Variants in CTBS observed in about 807,000 individuals in gnomAD.
The protein encoded by CTBS is chitobiase.
CTBS carries 35 observed loss-of-function variants against 44.3 expected under a neutral mutation model. The observed-to-expected ratio is 0.79, with a 90% CI of 0.60 to 1.05. The LOEUF is 1.05. Among genes scored for constraint, CTBS ranks in the 50% least tolerant of loss-of-function variants. The probability of loss-of-function intolerance (pLI) is 0.00; values close to 1 mark genes in which losing one functional copy is unlikely to be tolerated. For synonymous variants in CTBS, 143 were observed against 168.0 expected, an observed-to-expected ratio of 0.85 and a Z score of 1.15; for missense variants, 458 against 475.3, an observed-to-expected ratio of 0.96 and a Z score of 0.34.
At chr1:84,572,583 CTT>C (rs1423498569) in intron 1 of CTBS, among the ~76,000 whole-genome samples, 1 of 151,856 alleles carries the variant, frequency 6.6e-6, no homozygotes, top group African/African-American at 2.4e-5. Flanking sequence ...AATTTTGCTT[CTT>C]TGAATAGTTG....
At position 84,552,186 on chromosome 1, in the gene CTBS, G is replaced by A. The variant is rs1465942214; in HGVS notation, c.*2813C>T. 6.6e-6 allele frequency: 1 copy of A among 152,026 alleles called. No individual in the cohort carries two copies. Among genetic ancestry groups the A allele is most frequent in the Non-Finnish European group, 1.5e-5 (1 of 67,978 alleles). 9.4% of individuals were successfully genotyped at this position (152,026 alleles called of 1,614,324 possible). ...CACTACCTATAAGATTCAGAACTAA[G>A]GGACAAAAAAAACCCAGCCTGAGTC... is the stretch of plus-strand genomic sequence containing the variant. On this transcript the variant is annotated 3_prime_UTR_variant, in exon 7 of 7. Transcript: ENST00000370630.
chr1:84,570,850 T>A (rs188381724), intron 1 of CTBS, 130 bp from the exon 2 acceptor site: 16 of 786,518 alleles, frequency 2.0e-5, no homozygotes, highest in Non-Finnish European at 2.9e-5. Flanking sequence ...GCATAAGACA[T>A]AGGGGTCCCA....
chr1:84,553,088 G>GAA lies in CTBS; in HGVS notation c.*1909_*1910dup. The GAA allele has an allele frequency of 1.1e-5, 16 of 1,397,304 alleles. No individual in the cohort carries two copies. The highest frequency in any genetic ancestry group is 8.4e-5 in the East Asian group (3 of 35,680). 86.6% of individuals were successfully genotyped at this position (1,397,304 alleles called of 1,614,324 possible). ...GAACATTGAAAACTGAACTGGCACA[G>GAA]AAAAAAAAAATAATACATCTCTACA... is the stretch of plus-strand genomic sequence containing the variant. On this transcript the variant is annotated 3_prime_UTR_variant, in exon 7 of 7. Transcript: ENST00000370630.
chr1:84,572,841 G>A (rs917535185), intron 1 of CTBS, among the ~76,000 whole-genome samples: 1 of 152,006 alleles, frequency 6.6e-6, no homozygotes, highest in Non-Finnish European at 1.5e-5. Context: ...ACCACGCCCA[G>A]CTAATTTTTG....
At position 84,574,429 on chromosome 1, in the gene CTBS, G is replaced by C. The variant is rs879527266; in HGVS notation, c.-14C>G. The stretch of plus-strand genomic sequence containing the variant: ...CGGCCGGGACATAGCAGCAGGTCTA[G>C]CGGGCCGGAGTGGGTTCCTACCGCC... On this transcript the variant is annotated 5_prime_UTR_variant, in exon 1 of 7. Transcript: ENST00000370630. 5 of 1,522,322 alleles carry C rather than the reference G, an allele frequency of 3.3e-6. No individual in the cohort carries two copies. In the South Asian group the frequency reaches 6.3e-5, roughly 19 times the overall value. 94.3% of individuals were successfully genotyped at this position (1,522,322 alleles called of 1,614,324 possible).
chr1:84,563,578 TATG>T (rs1299967069), intron 5 of CTBS, among the ~76,000 whole-genome samples, 154 bp downstream of exon 5: 2 of 152,134 alleles, frequency 1.3e-5, no homozygotes, highest in African/African-American at 2.4e-5. Flanking sequence ...AATGAAAATG[TATG>T]ATAATCATAA....
chr1:84,563,975 C>CA, intron 4 of CTBS, 143 bp from the exon 5 acceptor site: 1 of 936,614 alleles, frequency 1.1e-6, no homozygotes, highest in Non-Finnish European at 1.4e-6. Context: ...TGTTATAAAA[C>CA]ATCCCTTAAG....
intron 6 of CTBS, among the ~76,000 whole-genome samples, chr1:84,558,285 C>A (rs1014128116): frequency 2.0e-5 from 3 of 149,184 alleles, no homozygotes; most frequent in African/African-American, 7.4e-5. Flanking sequence ...TTTTTGCCTG[C>A]CATTAAACTT....
chr1:84,573,663 T>C (rs1647379279), intron 1 of CTBS, among the ~76,000 whole-genome samples: 2 of 152,312 alleles, frequency 1.3e-5, no homozygotes, highest in African/African-American at 4.8e-5. Flanking sequence ...GGTTTTAATA[T>C]TGCTCCAGAA....
intron 6 of CTBS, among the ~76,000 whole-genome samples, chr1:84,557,530 T>A (rs1570466078): frequency 3.7e-5 from 1 of 27,122 alleles, no homozygotes; most frequent in Non-Finnish European, 6.4e-5. Flanking sequence ...CAAAACTCCA[T>A]CTCAAAAAAA....
At chr1:84,561,938 AT>A (rs924794594) in intron 6 of CTBS, among the ~76,000 whole-genome samples, 1 of 152,162 alleles carries the variant, frequency 6.6e-6, no homozygotes, top group Admixed American at 6.5e-5. Flanking sequence ...CACTTGCTTT[AT>A]TGCTATATTT....
In CTBS at chr1:84,570,469, A is replaced by G. The variant is rs935039177; in HGVS notation, c.316+113T>C. 4 of 837,248 alleles carry G rather than the reference A, an allele frequency of 4.8e-6. No homozygotes were observed. In the African/African-American group the frequency reaches 6.9e-5, roughly 14 times the overall value. 51.9% of individuals were successfully genotyped at this position (837,248 alleles called of 1,614,324 possible). A position where few individuals can be genotyped will look rare whatever the true frequency, so the allele number is the denominator to read the frequency against. ...CACAGTATCTAAGATTAATTATAGG[A>G]TCCTAACAAAAACAGATAAACATAA... On this transcript the variant is annotated intron_variant, in intron 2 of 6. Coordinates refer to ENST00000370630, the MANE Select transcript of CTBS (RefSeq NM_004388.3).
chr1:84,567,467 A>G (rs1417954883), intron 3 of CTBS, among the ~76,000 whole-genome samples: 1 of 152,240 alleles, frequency 6.6e-6, no homozygotes, highest in Non-Finnish European at 1.5e-5. Context: ...ATTAGACAAG[A>G]AAGCAAAAGA....
chr1:84,572,195 A>G (rs1329842007), intron 1 of CTBS, among the ~76,000 whole-genome samples: 1 of 152,182 alleles, frequency 6.6e-6, no homozygotes, highest in Non-Finnish European at 1.5e-5. Flanking sequence ...AGCAGCTGTA[A>G]AAGTTAAACC....
intron 6 of CTBS, among the ~76,000 whole-genome samples, chr1:84,558,809 G>A (rs758282619): frequency 6.6e-6 from 1 of 152,128 alleles, no homozygotes; most frequent in Middle Eastern, 3.4e-3. Flanking sequence ...GCTGAGGCAG[G>A]AGGATTGCTT....
chr1:84,570,784 C>A (rs1647278660), intron 1 of CTBS, 64 bp from the exon 2 acceptor site: 1 of 1,516,070 alleles, frequency 6.6e-7, no homozygotes, highest in Admixed American at 1.8e-5. Context: ...GTCCAAAATA[C>A]CGTTCATCAA....
Position 84,552,379 on chromosome 1 carries a change from G to A in CTBS, c.*2620C>T, listed in dbSNP as rs1684299801. 1 of 152,164 alleles carries A rather than the reference G, an allele frequency of 6.6e-6. No individual in the cohort carries two copies. Among genetic ancestry groups the A allele is most frequent in the Non-Finnish European group, 1.5e-5 (1 of 68,034 alleles). 9.4% of individuals were successfully genotyped at this position (152,164 alleles called of 1,614,324 possible). On this transcript the variant is annotated 3_prime_UTR_variant, in exon 7 of 7. Coordinates refer to ENST00000370630, the MANE Select transcript of CTBS (RefSeq NM_004388.3). ...GCTCCCAACTGATGCTAATGCTGCT[G>A]TCCACAGACAACACTTGGAATAGTA...
chr1:84,556,710 C>CAAAA (rs11417377), intron 6 of CTBS, among the ~76,000 whole-genome samples: 13 of 93,482 alleles, frequency 1.4e-4, no homozygotes, highest in African/African-American at 4.8e-4. Flanking sequence ...GACTCCGTCT[C>CAAAA]AAAAAAAAAA....
At chr1:84,562,145 C>T (rs1684607163) in intron 6 of CTBS, among the ~76,000 whole-genome samples, 1 of 152,106 alleles carries the variant, frequency 6.6e-6, no homozygotes, top group Admixed American at 6.6e-5. Flanking sequence ...CTTCTCAAAC[C>T]CATTAATATA....
Sources: allele counts gnomAD v4.1 joint callset (sites outside exome capture counted in the v4.1 genomes callset), GRCh38; gene constraint gnomAD v4.1.1; transcripts MANE v1.5; gene names NCBI Gene and HGNC (gene_info 2026-07-23, HGNC 2026-07-21).